The following KCNQ5 variants were observed in gnomAD, a reference collection of about 807,000 sequenced individuals.
KCNQ5 encodes potassium voltage-gated channel subfamily Q member 5.
KCNQ5 carries 30 observed loss-of-function variants against 98.2 expected under a neutral mutation model. The ratio of observed to expected loss-of-function variants is 0.31; its 90% CI spans 0.23 to 0.41. The LOEUF (loss-of-function observed/expected upper bound fraction) is 0.41, where lower values mean the gene tolerates loss of function less well. KCNQ5 is among the 10% of genes least tolerant of loss of function. The pLI is 1.00. For missense variants in KCNQ5, 835 were observed against 1,182.5 expected (o/e 0.71, Z 4.31); for synonymous variants, 458 against 449.4 (o/e 1.02, Z -0.24).
intron 1 of KCNQ5, among the ~76,000 whole-genome samples, chr6:72,932,095 G>A (rs1765717698): frequency 6.6e-6 from 1 of 152,112 alleles, no homozygotes; most frequent in Non-Finnish European, 1.5e-5. Flanking sequence ...TTGCCCTAAA[G>A]CCCATCTAGC....
chr6:72,931,519 G>A (rs1002532415), intron 1 of KCNQ5, among the ~76,000 whole-genome samples: 2 of 152,030 alleles, frequency 1.3e-5, no homozygotes, highest in African/African-American at 4.8e-5. Context: ...AAATAAAAGA[G>A]AACACAAACA....
chr6:72,939,030 C>T (rs1448340058), intron 1 of KCNQ5, among the ~76,000 whole-genome samples: 1 of 152,202 alleles, frequency 6.6e-6, no homozygotes, highest in African/African-American at 2.4e-5. Flanking sequence ...CCCTGTACCA[C>T]ACTTGTCATA....
Position 73,103,012 on chromosome 6 carries a change from T to C in KCNQ5, c.919-2245T>C, listed in dbSNP as rs191836959. On this transcript the variant is annotated intron_variant, in intron 5 of 13. Coordinates refer to ENST00000370398, the MANE Select transcript of KCNQ5 (RefSeq NM_019842.4). The stretch of plus-strand genomic sequence containing the variant: ...AGAGATATCTGCACTCTCATGTTTA[T>C]TGCAGCACTATACACAATGGCCAAG... 2.2e-4 allele frequency among the ~76,000 whole-genome samples: 33 copies of C among 152,320 alleles called. No individual in the cohort carries two copies. The East Asian group carries it at 4.4e-3, about 20-fold the overall frequency.
In KCNQ5 at chr6:73,197,658, A is replaced by C. The variant is rs1765847375; in HGVS notation, c.*2244A>C. The stretch of plus-strand genomic sequence containing the variant: ...ACACACACACCCCTCCACTGACCTA[A>C]AGCCAGACACCTGCCGTGACTGGGC... On this transcript the variant is annotated 3_prime_UTR_variant, in exon 14 of 14. Transcript: ENST00000370398. 1 of 143,304 alleles carries C rather than the reference A, an allele frequency of 7.0e-6. No individual in the cohort carries two copies. The allele number at this position is 143,304 out of a possible 1,614,324, so 8.9% of individuals were successfully genotyped here.
At chr6:73,049,090 G>T (rs184632349) in intron 3 of KCNQ5, among the ~76,000 whole-genome samples, 7 of 152,236 alleles carry the variant, frequency 4.6e-5, no homozygotes, top group Admixed American at 4.6e-4. Context: ...ATTAACTTCT[G>T]TGGAAGTCCT....
intron 11 of KCNQ5, among the ~76,000 whole-genome samples, chr6:73,183,045 T>A (rs753028080): frequency 1.7e-4 from 26 of 152,040 alleles, no homozygotes; most frequent in Non-Finnish European, 2.8e-4. Flanking sequence ...AAGTATGGGA[T>A]CCCCTCTGGA....
intron 1 of KCNQ5, among the ~76,000 whole-genome samples, chr6:72,804,430 T>C (rs1288486306): frequency 6.6e-6 from 1 of 152,062 alleles, no homozygotes; most frequent in African/African-American, 2.4e-5. Flanking sequence ...GTGATGCTTG[T>C]CTTTATGTGC....
At chr6:72,627,161 T>C (rs1384933458) in intron 1 of KCNQ5, among the ~76,000 whole-genome samples, 1 of 152,210 alleles carries the variant, frequency 6.6e-6, no homozygotes, top group Non-Finnish European at 1.5e-5. Context: ...TTTGAATGAA[T>C]GGAATCATTT....
At chr6:72,781,498 G>A (rs1235001667) in intron 1 of KCNQ5, among the ~76,000 whole-genome samples, 1 of 152,034 alleles carries the variant, frequency 6.6e-6, no homozygotes, top group Non-Finnish European at 1.5e-5. Context: ...TGGATTTTGA[G>A]GGAGAAATCA....
chr6:72,909,552 T>C (rs1334922884), intron 1 of KCNQ5, among the ~76,000 whole-genome samples: 6 of 152,166 alleles, frequency 3.9e-5, no homozygotes, highest in African/African-American at 4.8e-5. Context: ...ACAGCCTGCA[T>C]TGAGGCTCTG....
At position 72,803,726 on chromosome 6, in the gene KCNQ5, C is replaced by T. The variant is rs145097176; in HGVS notation, c.398+181139C>T. 3.0e-4 allele frequency among the ~76,000 whole-genome samples: 46 copies of T among 152,196 alleles called. No homozygotes were observed. The East Asian group carries it at 8.5e-3, about 28-fold the overall frequency. ...TGTTGCTGTCAGATACTTTTTAGTTCGTTGGTTCTTTGACTAAATACTTAA... is the reference window on the plus strand; with the variant it reads ...TGTTGCTGTCAGATACTTTTTAGTTTGTTGGTTCTTTGACTAAATACTTAA... On this transcript the variant is annotated intron_variant, in intron 1 of 13. Coordinates refer to ENST00000370398, the MANE Select transcript of KCNQ5 (RefSeq NM_019842.4).
chr6:73,167,757 C>T (rs1777859129), intron 10 of KCNQ5, among the ~76,000 whole-genome samples: 1 of 152,122 alleles, frequency 6.6e-6, no homozygotes, highest in Non-Finnish European at 1.5e-5. Flanking sequence ...CAAGATGGCA[C>T]CTTGCTACTG....
rs146139926 is a variant in KCNQ5 at position 72,879,343 on chromosome 6, T to C, written c.399-124565T>C. Among the ~76,000 whole-genome samples, 510 of 152,300 alleles carry C rather than the reference T, an allele frequency of 3.3e-3. 2 individuals carry two copies. Among genetic ancestry groups the C allele is most frequent in the African/African-American group, 0.012 (486 of 41,578 alleles). On this transcript the variant is annotated intron_variant, in intron 1 of 13. Coordinates refer to ENST00000370398, the MANE Select transcript of KCNQ5 (RefSeq NM_019842.4). ...TCTGATAAGAAATCACTCCTCTTCATTGTTTTACTTTTCACTCCCTTCATT... is the reference window on the plus strand; with the variant it reads ...TCTGATAAGAAATCACTCCTCTTCACTGTTTTACTTTTCACTCCCTTCATT...
At chr6:72,912,931 G>A (rs1779997665) in intron 1 of KCNQ5, among the ~76,000 whole-genome samples, 2 of 152,098 alleles carry the variant, frequency 1.3e-5, no homozygotes, top group South Asian at 4.1e-4. Flanking sequence ...GATGGGAGAG[G>A]ATCAGGAGAA....
At chr6:72,912,099 T>C (rs1779965045) in intron 1 of KCNQ5, among the ~76,000 whole-genome samples, 1 of 152,160 alleles carries the variant, frequency 6.6e-6, no homozygotes, top group Non-Finnish European at 1.5e-5. Context: ...GATTCATACC[T>C]GATGAGTTAT....
intron 1 of KCNQ5, among the ~76,000 whole-genome samples, chr6:72,838,507 A>T (rs1290524521): frequency 6.6e-6 from 1 of 152,158 alleles, no homozygotes; most frequent in African/African-American, 2.4e-5. Flanking sequence ...ATGTTTATAT[A>T]TTTTGTATCA....
At chr6:72,947,058 A>G (rs1242468584) in intron 1 of KCNQ5, among the ~76,000 whole-genome samples, 1 of 152,144 alleles carries the variant, frequency 6.6e-6, no homozygotes, top group Non-Finnish European at 1.5e-5. Context: ...GATGACTAAC[A>G]TCCATATAGC....
intron 1 of KCNQ5, chr6:72,986,823 A>C: frequency 8.3e-7 from 1 of 1,202,910 alleles, no homozygotes; most frequent in Non-Finnish European, 1.2e-6. Flanking sequence ...AAGGAAACAA[A>C]GGGGGCCCAG....
chr6:72,834,206 G>A (rs1776408338), intron 1 of KCNQ5, among the ~76,000 whole-genome samples: 1 of 151,904 alleles, frequency 6.6e-6, no homozygotes, highest in African/African-American at 2.4e-5. Flanking sequence ...GTACTTTTCT[G>A]CATTTTTAAG....
Sources: gnomAD v4.1 joint callset for allele counts (sites outside exome capture counted in the v4.1 genomes callset) on GRCh38, gnomAD v4.1.1 for gene constraint, MANE v1.5 for transcripts, NCBI Gene and HGNC (gene_info 2026-07-23, HGNC 2026-07-21) for gene names.